Variants in RBFOX1 observed in about 807,000 individuals in gnomAD.
RBFOX1 encodes the protein RNA binding protein fox-1 homolog 1.
Under a neutral mutation model 57.7 loss-of-function variants are expected in RBFOX1, and 8 were observed. The ratio of observed to expected loss-of-function variants is 0.14; its 90% CI spans 0.08 to 0.25. The LOEUF is 0.25. RBFOX1 is among the 10% of genes least tolerant of loss of function. RBFOX1 has a pLI of 1.00. For missense variants in RBFOX1, 611 were observed against 548.5 expected (o/e 1.11, Z -1.14); for synonymous variants, 326 against 222.4 (o/e 1.47, Z -4.15).
At chr16:6,677,614 A>C (rs1016491028) in intron 3 of RBFOX1, among the ~76,000 whole-genome samples, 15 of 152,190 alleles carry the variant, frequency 9.9e-5, no homozygotes, top group Non-Finnish European at 1.9e-4. Context: ...TCAATCAAAG[A>C]TAAAATCTCA....
At chr16:7,167,275 C>G (rs1388032681) in intron 4 of RBFOX1, among the ~76,000 whole-genome samples, 6 of 151,832 alleles carry the variant, frequency 4.0e-5, no homozygotes, top group Admixed American at 3.9e-4. Flanking sequence ...TGTGAGCCAC[C>G]ACACCTGGCT....
chr16:5,358,043 A>G (rs994080248), intron 1 of RBFOX1, among the ~76,000 whole-genome samples: 23 of 152,194 alleles, frequency 1.5e-4, no homozygotes, highest in Non-Finnish European at 2.5e-4. Context: ...CACATTGTTC[A>G]GGAGGCTTAG....
At chr16:5,500,040 A>G (rs1355028314) in intron 2 of RBFOX1, among the ~76,000 whole-genome samples, 3 of 151,896 alleles carry the variant, frequency 2.0e-5, no homozygotes, top group Non-Finnish European at 4.4e-5. Context: ...GATCCATGCA[A>G]ACCCATGAGG....
Position 6,019,677 on chromosome 16 carries a change from G to T in RBFOX1, c.-442G>T, listed in dbSNP as rs562290773. The T allele has an allele frequency of 5.3e-5, 71 of 1,333,152 alleles. 1 individual carries two copies. The South Asian group carries it at 1.3e-3, about 24-fold the overall frequency. The allele number at this position is 1,333,152 out of a possible 1,614,324, so 82.6% of individuals were successfully genotyped here. A position where few individuals can be genotyped will look rare whatever the true frequency, so the allele number is the denominator to read the frequency against. On this transcript the variant is annotated 5_prime_UTR_variant, in exon 1 of 16. Coordinates refer to ENST00000550418, the MANE Select transcript of RBFOX1 (RefSeq NM_018723.4). This position sits in a 1 kb window ranked among gnomAD's most constrained non-coding sequence, Gnocchi z 4.2. ...GGCCCCGCCCCGGCGTCCGGAGCAG[G>T]AGAACTCCGAGCTTCTTGCCCAGGC...
intron 4 of RBFOX1, among the ~76,000 whole-genome samples, chr16:7,209,438 T>A (rs913590621): frequency 3.9e-5 from 6 of 152,186 alleles, no homozygotes; most frequent in African/African-American, 1.2e-4. Flanking sequence ...CTTACCTTTT[T>A]AAAAGCCCCT....
intron 2 of RBFOX1, among the ~76,000 whole-genome samples, chr16:6,330,568 A>G (rs1304099009): frequency 2.0e-5 from 3 of 152,206 alleles, no homozygotes; most frequent in African/African-American, 4.8e-5. Flanking sequence ...GCAGGGAACT[A>G]CAGCAATTCA....
Position 5,626,204 on chromosome 16 carries a change from C to T in RBFOX1, c.318+27243C>T, listed in dbSNP as rs188091055. ...CTCTTTAATATTTTGTGTCCTCCAA[C>T]TTATCCTCTGGAGGAAGGATGGCTC... On this transcript the variant is annotated intron_variant, in intron 3 of 19. Transcript: ENST00000641259. Among the ~76,000 whole-genome samples the T allele has an allele frequency of 1.5e-3, 235 of 152,328 alleles. 1 individual carries two copies. The highest frequency in any genetic ancestry group is 5.1e-3 in the African/African-American group (214 of 41,576).
intron 1 of RBFOX1, among the ~76,000 whole-genome samples, chr16:5,353,726 GA>G (rs386384109): frequency 1.4e-4 from 4 of 28,100 alleles, no homozygotes; most frequent in African/African-American, 1.9e-4. Flanking sequence ...TCCCATTGAG[GA>G]AAAAAAAAAA....
intron 4 of RBFOX1, among the ~76,000 whole-genome samples, chr16:7,333,711 T>G (rs756886872): frequency 1.3e-5 from 2 of 152,180 alleles, no homozygotes; most frequent in Non-Finnish European, 2.9e-5. Flanking sequence ...GGTTTTACTT[T>G]GAAGTCTTTT....
chr16:5,847,320 C>T (rs2056781750), intron 3 of RBFOX1, among the ~76,000 whole-genome samples: 1 of 149,712 alleles, frequency 6.7e-6, no homozygotes, highest in African/African-American at 2.5e-5. Context: ...CTTGGGCAAG[C>T]CATAAGAACT....
rs193133965 is a variant in RBFOX1, at chr16:6,520,111, C to T, written c.-63-134492C>T. 2.6e-3 allele frequency among the ~76,000 whole-genome samples: 396 copies of T among 152,236 alleles called. 2 individuals carry two copies. The highest frequency in any genetic ancestry group is 4.6e-3 in the Non-Finnish European group (313 of 68,016). On this transcript the variant is annotated intron_variant, in intron 2 of 15. Transcript: ENST00000550418. ...GGCACATTCAGTGAACTGCTTCATTCGGAGGTGCTTGGAGCTTCTTCATGG... is the reference window on the plus strand; with the variant it reads ...GGCACATTCAGTGAACTGCTTCATTTGGAGGTGCTTGGAGCTTCTTCATGG...
At chr16:5,275,755 C>T (rs9938821) in intron 1 of RBFOX1, among the ~76,000 whole-genome samples, 1 of 151,948 alleles carries the variant, frequency 6.6e-6, no homozygotes, top group African/African-American at 2.4e-5. Flanking sequence ...AAGAACCAAT[C>T]TAGAGGCATC....
intron 1 of RBFOX1, among the ~76,000 whole-genome samples, chr16:6,261,639 T>C (rs1045995606): frequency 1.9e-5 from 2 of 105,822 alleles, no homozygotes; most frequent in Non-Finnish European, 4.8e-5. Flanking sequence ...CTTTGCCCAT[T>C]GGATCAGCGA....
rs371532392 is a variant in RBFOX1, at chr16:5,308,370, G to T, written c.219+68265G>T. Among the ~76,000 whole-genome samples the T allele has an allele frequency of 4.6e-4, 70 of 151,164 alleles. 2 individuals are homozygous for T. The East Asian group carries it at 0.011, about 24-fold the overall frequency. On this transcript the variant is annotated intron_variant, in intron 1 of 2. Coordinates refer to the RBFOX1 transcript ENST00000585867. ...AGAAAAAAAATCACTTTCTGCCTTTGTCCGCTCCCAAGAGGCAACAACTTT... is the reference window on the plus strand; with the variant it reads ...AGAAAAAAAATCACTTTCTGCCTTTTTCCGCTCCCAAGAGGCAACAACTTT...
At chr16:5,454,954 CCTTCCTTTCTTTCTTTCTTTCTTT>C (rs1253980536) in intron 1 of RBFOX1, among the ~76,000 whole-genome samples, 2 of 40,432 alleles carry the variant, frequency 4.9e-5, no homozygotes, top group African/African-American at 2.0e-4. Flanking sequence ...TTCCTTCCTT[CCTTCCTTTCTTTCTTTCTTTCTTT>C]CTTTCTTTCT....
intron 4 of RBFOX1, among the ~76,000 whole-genome samples, chr16:7,124,622 A>G (rs1399823108): frequency 6.7e-6 from 1 of 149,090 alleles, no homozygotes; most frequent in Middle Eastern, 3.2e-3. Flanking sequence ...GTCTTCACCA[A>G]TAGGGCAACA....
chr16:6,197,368 A>G (rs1340449477), intron 1 of RBFOX1, among the ~76,000 whole-genome samples: 1 of 151,994 alleles, frequency 6.6e-6, no homozygotes, highest in Non-Finnish European at 1.5e-5. Flanking sequence ...ACTGAAATCA[A>G]TACCCCTCCA....
intron 4 of RBFOX1, among the ~76,000 whole-genome samples, chr16:7,076,248 G>T (rs1330652349): frequency 6.6e-6 from 1 of 151,524 alleles, no homozygotes; most frequent in East Asian, 2.0e-4. Context: ...TGGCCAGGAT[G>T]GTCTTGATCT....
intron 1 of RBFOX1, among the ~76,000 whole-genome samples, chr16:5,448,435 A>G (rs1452091889): frequency 6.6e-6 from 1 of 152,182 alleles, no homozygotes; most frequent in Non-Finnish European, 1.5e-5. Context: ...AACAGCTGGG[A>G]AATAACTATC....
Sources: gnomAD v4.1 joint callset for allele counts (sites outside exome capture counted in the v4.1 genomes callset) on GRCh38, gnomAD v4.1.1 for gene constraint, Gnocchi (gnomAD v3.1) non-coding constraint, MANE v1.5 for transcripts, NCBI Gene and HGNC (gene_info 2026-07-23, HGNC 2026-07-21) for gene names.